Variants in SALL1 observed in about 807,000 individuals in gnomAD.
The protein encoded by SALL1 is spalt like transcription factor 1.
A neutral mutation model predicts 73.1 loss-of-function variants in SALL1; 10 were observed. The ratio of observed to expected loss-of-function variants is 0.14; its 90% CI spans 0.08 to 0.23. The LOEUF (loss-of-function observed/expected upper bound fraction) is 0.23. SALL1 is among the 10% of genes least tolerant of loss of function. SALL1 has a pLI of 1.00. For synonymous variants in SALL1, 688 were observed against 689.8 expected (o/e 1.00, Z 0.04); for missense variants, 1,520 against 1,697.3 (o/e 0.90, Z 1.84).
In SALL1 at chr16:51,140,304, T is replaced by G. The variant is rs144776021; in HGVS notation, c.1918A>C (p.Ser640Arg). The G allele has an allele frequency of 1.1e-5, 17 of 1,614,016 alleles. No homozygotes were observed. The African/African-American group carries it at 2.3e-4, about 22-fold the overall frequency. ...VTNSVPTASSSVLSSPAADCG... is the reference protein window; with the variant it reads ...VTNSVPTASSRVLSSPAADCG... ...TCTGCCGCTGGGGAGCTCAGGACGC[T>G]ACTGCTCGCCGTCGGGACTGAGTTG... The change falls in exon 2 of 3, where the codon AGC (serine) becomes CGC (arginine). Residue 640 changes from serine (S) to arginine (R), a missense_variant. This residue lies in a region of SALL1 where 276 missense variants were observed against 259.1 expected (regional missense o/e 1.07). Transcript: ENST00000251020. The surrounding 1 kb of genome is among the most constrained non-coding windows in gnomAD (Gnocchi z 5.7).
In SALL1 at chr16:51,137,365, A is replaced by C; in HGVS notation, c.3722T>G (p.Leu1241Arg). Residue 1241 changes from leucine (L) to arginine (R), a missense_variant, in exon 3 of 3, where the codon CTC (leucine) becomes CGC (arginine). By Grantham distance (102) the Leu-to-Arg change is moderately radical. Coordinates refer to ENST00000251020, the MANE Select transcript of SALL1 (RefSeq NM_002968.3). ...GGCCTTCATCGCCAGCCCGTTGGAG[A>C]GCGCTGCTGCATACTGATTCCAGAA... ...SSFWNQYAAA[L>R]SNGLAMKANE... 6.2e-7 allele frequency: 1 copy of C among 1,614,026 alleles called. No homozygotes were observed. Among genetic ancestry groups the C allele is most frequent in the South Asian group, 1.1e-5 (1 of 91,058 alleles).
intron 1 of SALL1, chr16:51,150,457 G>A (rs1962580442): frequency 1.0e-6 from 1 of 985,592 alleles, no homozygotes; most frequent in Non-Finnish European, 1.2e-6. Flanking sequence ...GCCAGACCCC[G>A]ACACTTTCCC....
Position 51,137,128 on chromosome 16 carries a change from T to C in SALL1, c.3959A>G (p.Glu1320Gly). ...CGAGCTGCTTTAACTCGTGACGATC[T>C]CCTTGCTGTCCTCCACGAAGCGGGT... ...RFTRFVEDSK[E>G]IVTS The change falls in exon 3 of 3, where the codon GAG (glutamate) becomes GGG (glycine). Residue 1320 changes from glutamate to glycine, a missense_variant. Physicochemically the swap from Glu to Gly is moderately conservative, Grantham distance 98. Around this residue, in one of 7 missense-constraint regions of SALL1, gnomAD observed 318 missense variants for 357.1 expected, o/e 0.89. Transcript: ENST00000251020. 1 of 1,614,138 alleles carries C rather than the reference T, an allele frequency of 6.2e-7. No homozygotes were observed. The highest frequency in any genetic ancestry group is 8.5e-7 in the Non-Finnish European group (1 of 1,180,018).
At chr16:51,151,868 C>A (rs1962621394), upstream of SALL1, among the ~76,000 whole-genome samples, 1 of 151,504 alleles carries the variant, frequency 6.6e-6, no homozygotes, top group African/African-American at 2.4e-5. Context: ...CGGCGCGCTG[C>A]GAACTTCCCA....
intron 1 of SALL1, among the ~76,000 whole-genome samples, chr16:51,146,343 T>C (rs558503822): frequency 1.3e-5 from 2 of 152,298 alleles, no homozygotes; most frequent in East Asian, 1.9e-4. Flanking sequence ...GTCTTTCCCA[T>C]GGATGAATCA....
chr16:51,152,047 C>T, upstream of SALL1: 1 of 151,806 alleles, frequency 6.6e-6, no homozygotes, highest in Non-Finnish European at 1.5e-5. Context: ...GAAGAGCCAG[C>T]CCCACGCCGG....
At chr16:51,142,533 C>G (rs955358628) in intron 1 of SALL1, among the ~76,000 whole-genome samples, 7 of 152,126 alleles carry the variant, frequency 4.6e-5, no homozygotes, top group Admixed American at 1.3e-4. Flanking sequence ...TTCTGTCAAC[C>G]TTATTCATTT....
rs886043094 is a variant in SALL1, at chr16:51,141,236, G to A, written c.986C>T (p.Thr329Ile). 13 of 1,614,036 alleles carry A rather than the reference G, an allele frequency of 8.1e-6. No homozygotes were observed. In the African/African-American group the frequency reaches 1.3e-4, roughly 17 times the overall value. ...AGAGCCGCTGTTGGATGGAATGATG[G>A]TGTTGCCAGAACTGCTCTGAGGTAG... ...IQLPQSSSGN[T>I]IIPSNSGSSP... is the part of the protein sequence containing the mutation. Residue 329 changes from threonine (T) to isoleucine (I), a missense_variant, in exon 2 of 3, where the codon ACC becomes ATC. Thr to Ile is a moderately conservative substitution (Grantham distance 89). Coordinates refer to ENST00000251020, the MANE Select transcript of SALL1 (RefSeq NM_002968.3). This position sits in a 1 kb window ranked among gnomAD's most constrained non-coding sequence, Gnocchi z 5.4.
Position 51,140,099 on chromosome 16 carries a change from C to T in SALL1, c.2123G>A (p.Cys708Tyr). The T allele has an allele frequency of 6.2e-7, 1 of 1,614,218 alleles. No homozygotes were observed. The highest frequency in any genetic ancestry group is 8.5e-7 in the Non-Finnish European group (1 of 1,180,034). Residue 708 changes from cysteine to tyrosine, a missense_variant, in exon 2 of 3, where the codon TGC (cysteine) becomes TAC (tyrosine). Transcript: ENST00000251020. This position sits in a 1 kb window ranked among gnomAD's most constrained non-coding sequence, Gnocchi z 5.7. ...GCTGAGAACCCGGTGGCAGATGATG[C>T]ACTCATTGGGGTCAGTGGCCTTCTT... ...IDKKATDPNECIICHRVLSCQ... is the reference protein window; with the variant it reads ...IDKKATDPNEYIICHRVLSCQ...
chr16:51,143,442 G>C (rs1567317290), intron 1 of SALL1: 1 of 280,734 alleles, frequency 3.6e-6, no homozygotes, highest in African/African-American at 2.3e-5. Context: ...TTTAATTCAA[G>C]GATTACCTCC....
At chr16:51,151,666 C>T (rs985831130), upstream of SALL1, among the ~76,000 whole-genome samples, 10 of 151,350 alleles carry the variant, frequency 6.6e-5, no homozygotes, top group Non-Finnish European at 1.5e-4. Flanking sequence ...GGGCCGGCCT[C>T]CTCTCCACTG....
intron 1 of SALL1, among the ~76,000 whole-genome samples, chr16:51,150,209 G>T (rs1056098662): frequency 3.3e-5 from 5 of 152,200 alleles, no homozygotes; most frequent in Non-Finnish European, 5.9e-5. Flanking sequence ...GACTTGTTCA[G>T]CCCCTTCGGG....
At chr16:51,150,960 C>T (rs2143478479) in intron 1 of SALL1, 1 of 416,526 alleles carries the variant, frequency 2.4e-6, no homozygotes, top group East Asian at 3.5e-5. Flanking sequence ...GATGTGCTCG[C>T]TTTCCCCGGG....
chr16:51,138,628 T>C, intron 2 of SALL1, 60 bp downstream of exon 2: 1 of 1,565,116 alleles, frequency 6.4e-7, no homozygotes, highest in Non-Finnish European at 8.7e-7. Context: ...GCATTATAGA[T>C]AATCAATGGC....
Position 51,137,501 on chromosome 16 carries a change from G to A in SALL1, c.3586C>T (p.Arg1196Trp), listed in dbSNP as rs1361783109. Reference protein sequence around the residue: ...WNSTPARRGRRLSVDGPMTFL... With the variant: ...WNSTPARRGRWLSVDGPMTFL... ...GTCATGGGGCCATCCACAGAGAGCC[G>A]CCGACCCCGTCGTGCAGGGGTGCTA... Residue 1196 changes from arginine (R) to tryptophan (W), a missense_variant, in exon 3 of 3, where the codon CGG becomes TGG. By Grantham distance (101) the Arg-to-Trp change is moderately radical. This residue lies in a region of SALL1 where 318 missense variants were observed against 357.1 expected (regional missense o/e 0.89). Transcript: ENST00000251020. 3 of 1,613,784 alleles carry A rather than the reference G, an allele frequency of 1.9e-6. No individual in the cohort carries two copies. Among genetic ancestry groups the A allele is most frequent in the Non-Finnish European group, 8.5e-7 (1 of 1,180,008 alleles).
At position 51,141,417 on chromosome 16, in the gene SALL1, T is replaced by G; in HGVS notation, c.805A>C (p.Ser269Arg). 2 of 1,614,126 alleles carry G rather than the reference T, an allele frequency of 1.2e-6. No individual in the cohort carries two copies. The highest frequency in any genetic ancestry group is 1.7e-6 in the Non-Finnish European group (2 of 1,180,018). ...GTTCGTAAAGTACCTTGAGAAGGAC[T>G]AGAAGATGTTGGCAAGTCTGCATTC... ...SQNADLPTSS[S>R]PSQGTLRTSA... is the part of the protein sequence containing the mutation. Residue 269 changes from serine (S) to arginine (R), a missense_variant, in exon 2 of 3, where the codon AGT becomes CGT. By Grantham distance (110) the Ser-to-Arg change is moderately radical (BLOSUM62 -1). Coordinates refer to ENST00000251020, the MANE Select transcript of SALL1 (RefSeq NM_002968.3). This position sits in a 1 kb window ranked among gnomAD's most constrained non-coding sequence, Gnocchi z 5.4.
rs578198178 is a variant in SALL1, at chr16:51,137,422, G to A, written c.3665C>T (p.Ala1222Val). 4.0e-5 allele frequency: 64 copies of A among 1,614,060 alleles called. No individual in the cohort carries two copies. The East Asian group carries it at 4.9e-4, about 12-fold the overall frequency. Residue 1222 changes from alanine (A) to valine (V), a missense_variant, in exon 3 of 3, where the codon GCG becomes GTG. Ala to Val is a moderately conservative substitution (Grantham distance 64). Coordinates refer to ENST00000251020, the MANE Select transcript of SALL1 (RefSeq NM_002968.3). ...KFPEMFQKDL[A>V]ARSGSGDPSS... ...AGGATCCCCACTTCCTGATCTTGCC[G>A]CCAAATCCTTCTGGAACATTTCTGG...
Position 51,141,912 on chromosome 16 carries a change from T to C in SALL1, c.310A>G (p.Lys104Glu). 1.9e-6 allele frequency: 3 copies of C among 1,613,966 alleles called. No individual in the cohort carries two copies. The highest frequency in any genetic ancestry group is 2.5e-6 in the Non-Finnish European group (3 of 1,180,024). ...TCGCTGCAGTCCACTTGATCTGTTT[T>C]GTTAACTGTGTCATTCATTTGTTCA... is the stretch of plus-strand genomic sequence containing the variant. ...PDEQMNDTVN[K>E]TDQVDCSDLS... Residue 104 changes from lysine to glutamate, a missense_variant, in exon 2 of 3, where the codon AAA (lysine) becomes GAA (glutamate). Physicochemically the swap from Lys to Glu is moderately conservative, Grantham distance 56. This residue lies in a region of SALL1 where 540 missense variants were observed against 567.5 expected (regional missense o/e 0.95). Coordinates refer to ENST00000251020, the MANE Select transcript of SALL1 (RefSeq NM_002968.3). This position sits in a 1 kb window ranked among gnomAD's most constrained non-coding sequence, Gnocchi z 5.4.
chr16:51,151,907 G>T (rs924032553), upstream of SALL1, among the ~76,000 whole-genome samples: 2 of 151,890 alleles, frequency 1.3e-5, no homozygotes, highest in African/African-American at 2.4e-5. Flanking sequence ...CCGGCCCGCG[G>T]GGGGAGGGAG....
Sources: allele counts gnomAD v4.1 joint callset (sites outside exome capture counted in the v4.1 genomes callset), GRCh38; gene constraint gnomAD v4.1.1; regional missense constraint gnomAD v4.1.1; non-coding constraint Gnocchi (gnomAD v3.1); transcripts MANE v1.5; gene names NCBI Gene and HGNC (gene_info 2026-07-23, HGNC 2026-07-21).